DTNA: variants seen among roughly 807,000 people sequenced by gnomAD.
DTNA encodes dystrophin-related protein 3.
DTNA carries 43 observed loss-of-function variants against 100.7 expected under a neutral mutation model. The observed-to-expected ratio is 0.43, with a 90% confidence interval of 0.33 to 0.55. DTNA has a LOEUF of 0.55. DTNA is among the 20% of genes least tolerant of loss of function. The pLI is 0.04. For synonymous variants in DTNA, 349 were observed against 347.9 expected, an observed-to-expected ratio of 1.00 and a Z score of -0.04; for missense variants, 798 against 953.9, an observed-to-expected ratio of 0.84 and a Z score of 2.15.
At chr18:34,510,946 T>C (rs2041017235) in intron 1 of DTNA, among the ~76,000 whole-genome samples, 1 of 151,976 alleles carries the variant, frequency 6.6e-6, no homozygotes, top group East Asian at 1.9e-4. Context: ...GCTGTAGAAG[T>C]TGAAATGTAA....
In DTNA at chr18:34,875,302, C is replaced by G. The variant is rs775515759; in HGVS notation, c.1807C>G (p.Pro603Ala). Residue 603 changes from proline to alanine, a missense_variant, in exon 18 of 23, where the codon CCC becomes GCC. Pro to Ala is a conservative substitution (Grantham distance 27, BLOSUM62 -1). This residue lies in a region of DTNA where 242 missense variants were observed against 238.2 expected (regional missense o/e 1.02). Transcript: ENST00000444659. ...CACCATCAGCAGGCCAATTCCCATG[C>G]CCATCCGGTCAGCGTCAGCCTGCTC... ...SHTISRPIPM[P>A]IRSASACSTP... 3 of 1,614,112 alleles carry G rather than the reference C, an allele frequency of 1.9e-6. No homozygotes were observed. The highest frequency in any genetic ancestry group is 1.3e-5 in the African/African-American group (1 of 74,934).
At chr18:34,514,937 G>GTTT in intron 1 of DTNA, among the ~76,000 whole-genome samples, 1 of 152,056 alleles carries the variant, frequency 6.6e-6, no homozygotes, top group East Asian at 1.9e-4. Context: ...CAAGATGTGT[G>GTTT]TTTTAATATG....
chr18:34,668,449 A>T (rs1320750954), intron 1 of DTNA, among the ~76,000 whole-genome samples: 2 of 151,730 alleles, frequency 1.3e-5, no homozygotes, highest in Admixed American at 6.6e-5. Context: ...GATCTTAGTT[A>T]TTTCTTGCCT....
chr18:34,611,527 G>C (rs2054207560), intron 1 of DTNA, among the ~76,000 whole-genome samples: 1 of 152,154 alleles, frequency 6.6e-6, no homozygotes, highest in Non-Finnish European at 1.5e-5. Context: ...GGACATGGGG[G>C]TGTGTAACTG....
chr18:34,536,113 T>C (rs906779761), intron 1 of DTNA, among the ~76,000 whole-genome samples: 7 of 152,070 alleles, frequency 4.6e-5, no homozygotes, highest in Non-Finnish European at 8.8e-5. Context: ...CTGACAATGT[T>C]TTTATACTTC....
At chr18:34,684,922 G>GT (rs1015867090) in intron 1 of DTNA, among the ~76,000 whole-genome samples, 34 of 152,264 alleles carry the variant, frequency 2.2e-4, no homozygotes, top group African/African-American at 8.2e-4. Flanking sequence ...CTTTTCATAT[G>GT]TTTTTTGGCC....
intron 4 of DTNA, among the ~76,000 whole-genome samples, chr18:34,798,413 C>G (rs2095074318): frequency 6.6e-6 from 1 of 151,780 alleles, no homozygotes; most frequent in African/African-American, 2.4e-5. Context: ...TACTTCTGCT[C>G]CACAGAAAAA....
At chr18:34,525,227 C>T (rs2042503527) in intron 1 of DTNA, among the ~76,000 whole-genome samples, 1 of 152,030 alleles carries the variant, frequency 6.6e-6, no homozygotes, top group Admixed American at 6.6e-5. Context: ...TCTAGGACAT[C>T]AGGGGCCCCA....
At chr18:34,772,251 G>A (rs770679796) in intron 3 of DTNA, among the ~76,000 whole-genome samples, 9 of 151,950 alleles carry the variant, frequency 5.9e-5, no homozygotes, top group Admixed American at 1.3e-4. Flanking sequence ...ATTATATCTC[G>A]GCTGTCAGAG....
At chr18:34,830,079 C>T (rs1376198694) in intron 11 of DTNA, among the ~76,000 whole-genome samples, 2 of 152,076 alleles carry the variant, frequency 1.3e-5, no homozygotes, top group African/African-American at 2.4e-5. Flanking sequence ...TTTTCTTAAT[C>T]GTGTCGATAA....
chr18:34,814,596 A>G (rs1463070134), intron 6 of DTNA, among the ~76,000 whole-genome samples: 2 of 151,950 alleles, frequency 1.3e-5, no homozygotes, highest in East Asian at 1.9e-4. Context: ...GGAGGCTGAG[A>G]TGAGAGGATC....
chr18:34,619,235 C>G (rs2055969343), intron 1 of DTNA, among the ~76,000 whole-genome samples: 1 of 152,094 alleles, frequency 6.6e-6, no homozygotes, highest in Non-Finnish European at 1.5e-5. Context: ...TTGGGGGAAG[C>G]ATCATAAAAG....
At chr18:34,881,600 T>A (rs1380451062) in intron 20 of DTNA, among the ~76,000 whole-genome samples, 1 of 152,124 alleles carries the variant, frequency 6.6e-6, no homozygotes, top group Non-Finnish European at 1.5e-5. Context: ...TGTATGTGCG[T>A]ATGTGTAACA....
intron 1 of DTNA, among the ~76,000 whole-genome samples, chr18:34,529,289 A>C (rs1250070511): frequency 2.0e-5 from 3 of 152,120 alleles, no homozygotes; most frequent in Non-Finnish European, 4.4e-5. Flanking sequence ...TATTAGAATA[A>C]TTGATTCATT....
intron 1 of DTNA, among the ~76,000 whole-genome samples, chr18:34,742,595 TG>T (rs34197898): frequency 3.6e-5 from 2 of 55,450 alleles, no homozygotes; most frequent in Non-Finnish European, 7.9e-5. Context: ...TTCACAAATT[TG>T]GGGGGGTTAA....
chr18:34,720,781 G>T (rs1047308430), intron 1 of DTNA, among the ~76,000 whole-genome samples: 1 of 152,118 alleles, frequency 6.6e-6, no homozygotes, highest in Admixed American at 6.6e-5. Context: ...ATGTGGGGTG[G>T]GGAATCTCTC....
intron 1 of DTNA, among the ~76,000 whole-genome samples, chr18:34,593,109 C>G (rs1245558230): frequency 6.6e-6 from 1 of 152,130 alleles, no homozygotes; most frequent in African/African-American, 2.4e-5. Context: ...TGTTCAGCTT[C>G]CAAGTGTTTC....
chr18:34,756,050 A>G lies in DTNA; in HGVS notation c.67+7A>G. 1 of 1,612,624 alleles carries G rather than the reference A, an allele frequency of 6.2e-7. No homozygotes were observed. The highest frequency in any genetic ancestry group is 8.5e-7 in the Non-Finnish European group (1 of 1,179,254). ...CAGCTGTTTGCAGAGATGAGTAAGT[A>G]TGGATCTTTTAAGGAACACCCTATA... On this transcript the variant is annotated splice_region_variant and intron_variant, in intron 2 of 22. Coordinates refer to ENST00000444659, the MANE Select transcript of DTNA (RefSeq NM_001386795.1).
At chr18:34,652,511 A>G (rs16965737) in intron 1 of DTNA, among the ~76,000 whole-genome samples, 17,703 of 152,158 alleles carry the variant, frequency 0.12, 1,545 homozygotes, top group African/African-American at 0.25. Flanking sequence ...GGGAGCATTT[A>G]CTGAGTAACT....
Sources: allele counts gnomAD v4.1 joint callset (sites outside exome capture counted in the v4.1 genomes callset), GRCh38; gene constraint gnomAD v4.1.1; regional missense constraint gnomAD v4.1.1; transcripts MANE v1.5; gene names NCBI Gene and HGNC (gene_info 2026-07-23, HGNC 2026-07-21).